AOPEP: variants seen among roughly 807,000 people sequenced by gnomAD.
The protein encoded by AOPEP is aminopeptidase O (putative), also known as aminopeptidase O.
A neutral mutation model predicts 98.1 loss-of-function variants in AOPEP; 77 were observed. That is an observed-to-expected ratio of 0.78 (90% CI 0.65 to 0.95). AOPEP has a LOEUF of 0.95. AOPEP is among the 40% of genes least tolerant of loss of function. The probability of loss-of-function intolerance (pLI) is 0.00; values close to 1 mark genes in which losing one functional copy is unlikely to be tolerated. For synonymous variants in AOPEP, 346 were observed against 365.3 expected (o/e 0.95, Z 0.60); for missense variants, 1,024 against 1,024.7 (o/e 1.00, Z 0.01).
At chr9:94,864,886 A>G (rs2045535371) in intron 5 of AOPEP, among the ~76,000 whole-genome samples, 1 of 152,206 alleles carries the variant, frequency 6.6e-6, no homozygotes, top group African/African-American at 2.4e-5. Flanking sequence ...AAGAGCCATC[A>G]GCAACACTTG....
At chr9:94,844,216 C>T (rs1429843263) in intron 5 of AOPEP, among the ~76,000 whole-genome samples, 1 of 152,096 alleles carries the variant, frequency 6.6e-6, no homozygotes, top group Non-Finnish European at 1.5e-5. Flanking sequence ...CCACCATGCC[C>T]AGCTAATTTT....
chr9:94,877,448 A>T (rs1447065462), intron 5 of AOPEP, among the ~76,000 whole-genome samples: 1 of 138,242 alleles, frequency 7.2e-6, no homozygotes, highest in Admixed American at 7.5e-5. Context: ...TTTTTGAGAC[A>T]GTTTTGCTGT....
At chr9:94,847,131 C>CACACACACAT (rs1456071445) in intron 5 of AOPEP, among the ~76,000 whole-genome samples, 2 of 146,436 alleles carry the variant, frequency 1.4e-5, no homozygotes, top group East Asian at 4.1e-4. Flanking sequence ...CCTTTGTACA[C>CACACACACAT]ACACACACAC....
At chr9:94,893,812 TAGAA>T (rs1486708536) in intron 5 of AOPEP, among the ~76,000 whole-genome samples, 2 of 152,156 alleles carry the variant, frequency 1.3e-5, no homozygotes, top group Non-Finnish European at 2.9e-5. Context: ...ATTCTCTTCT[TAGAA>T]AGAAAAATGT....
intron 13 of AOPEP, among the ~76,000 whole-genome samples, chr9:95,028,146 T>C (rs777077217): frequency 2.6e-5 from 4 of 152,202 alleles, no homozygotes; most frequent in Non-Finnish European, 4.4e-5. Context: ...CAGAAGTTCA[T>C]GGGAGGAAAA....
the AOPEP span, among the ~76,000 whole-genome samples, chr9:95,148,710 C>T: frequency 2.0e-5 from 3 of 152,132 alleles, no homozygotes; most frequent in Admixed American, 2.0e-4. Flanking sequence ...CATAATGCTA[C>T]AAAATTATGT....
At chr9:94,906,992 G>T (rs1318837233) in intron 5 of AOPEP, among the ~76,000 whole-genome samples, 1 of 152,166 alleles carries the variant, frequency 6.6e-6, no homozygotes, top group African/African-American at 2.4e-5. Context: ...AGGTGGGCCC[G>T]AGTTTTGGCT....
chr9:95,108,983 G>A, the AOPEP span, among the ~76,000 whole-genome samples: 1 of 151,220 alleles, frequency 6.6e-6, no homozygotes, highest in Non-Finnish European at 1.5e-5. Flanking sequence ...TCTACTCACT[G>A]CAACCTCTGC....
chr9:95,051,481 G>A (rs2066359584), intron 13 of AOPEP, among the ~76,000 whole-genome samples: 1 of 152,032 alleles, frequency 6.6e-6, no homozygotes, highest in South Asian at 2.1e-4. Context: ...GGCAAAGGGA[G>A]AGATCTTTCT....
chr9:94,933,679 G>A (rs1254878749), intron 7 of AOPEP: 13 of 985,160 alleles, frequency 1.3e-5, no homozygotes, highest in Non-Finnish European at 1.6e-5. Flanking sequence ...CACAAGTGTT[G>A]TGAATTTGTA....
intron 7 of AOPEP, among the ~76,000 whole-genome samples, chr9:94,944,630 T>A (rs2057414223): frequency 6.6e-6 from 1 of 152,192 alleles, no homozygotes; most frequent in South Asian, 2.1e-4. Flanking sequence ...CATGGCACGA[T>A]CATGGCTCAC....
chr9:95,013,406 C>CTT lies in AOPEP; in HGVS notation c.2115+7803_2115+7804dup, dbSNP rs11453647. Among the ~76,000 whole-genome samples, 845 of 140,418 alleles carry CTT rather than the reference C, an allele frequency of 6.0e-3. 5 individuals are homozygous for CTT. The highest frequency in any genetic ancestry group is 0.014 in the African/African-American group (528 of 38,102). 92.1% of individuals were successfully genotyped at this position (140,418 alleles called of 152,430 possible). ...CCATCATATAACTTGAAATATTATC[C>CTT]TTTTTTTTTTTTTTACTTCCTGTAA... On this transcript the variant is annotated intron_variant, in intron 13 of 16. Coordinates refer to ENST00000375315, the MANE Select transcript of AOPEP (RefSeq NM_001193329.3).
chr9:94,788,688 T>C (rs886437904), intron 3 of AOPEP, among the ~76,000 whole-genome samples: 1 of 152,222 alleles, frequency 6.6e-6, no homozygotes, highest in African/African-American at 2.4e-5. Flanking sequence ...AATCCCCTTC[T>C]TTCAGTCTCT....
intron 14 of AOPEP, among the ~76,000 whole-genome samples, chr9:95,078,925 C>G (rs773730833): frequency 6.6e-6 from 1 of 152,210 alleles, no homozygotes; most frequent in East Asian, 1.9e-4. Flanking sequence ...GTCACTTGTT[C>G]TTTCTGTTGG....
intron 1 of AOPEP, among the ~76,000 whole-genome samples, chr9:94,755,357 T>C (rs1457696595): frequency 6.6e-6 from 1 of 152,200 alleles, no homozygotes; most frequent in African/African-American, 2.4e-5. Context: ...CCACAGGCAG[T>C]TCAGTTTTTC....
chr9:95,095,472 G>C, the AOPEP span, among the ~76,000 whole-genome samples: 6 of 152,338 alleles, frequency 3.9e-5, no homozygotes, highest in African/African-American at 1.4e-4. Flanking sequence ...GTGTAGAAGA[G>C]CTTTAGAAGT....
At chr9:95,067,559 A>G (rs2068039644) in intron 14 of AOPEP, among the ~76,000 whole-genome samples, 2 of 152,310 alleles carry the variant, frequency 1.3e-5, no homozygotes, top group Admixed American at 6.5e-5. Flanking sequence ...AGCTGACTTC[A>G]TGGCCTCGGC....
the AOPEP span, among the ~76,000 whole-genome samples, chr9:95,147,308 G>A: frequency 1.3e-5 from 2 of 152,044 alleles, no homozygotes; most frequent in Admixed American, 6.6e-5. Flanking sequence ...ACCTGAGGTC[G>A]GGATTTCGAG....
Position 95,036,702 on chromosome 9 carries a change from C to CT in AOPEP, c.2116-23982dup, listed in dbSNP as rs58616523. Among the ~76,000 whole-genome samples the CT allele has an allele frequency of 2.1e-4, 28 of 135,832 alleles. 1 individual carries two copies. Among genetic ancestry groups the CT allele is most frequent in the African/African-American group, 4.8e-4 (18 of 37,762 alleles). The allele number at this position is 135,832 out of a possible 152,430, so 89.1% of individuals were successfully genotyped here. On this transcript the variant is annotated intron_variant, in intron 13 of 16. Coordinates refer to ENST00000375315, the MANE Select transcript of AOPEP (RefSeq NM_001193329.3). ...TTTCTTGTTCTTCTTTCTTCTTCTT[C>CT]TTTTTTTTTTGTGGGGAATAAAACT...
Sources: gnomAD v4.1 joint callset for allele counts (sites outside exome capture counted in the v4.1 genomes callset) on GRCh38, gnomAD v4.1.1 for gene constraint, MANE v1.5 for transcripts, NCBI Gene and HGNC (gene_info 2026-07-23, HGNC 2026-07-21) for gene names.